GCLM: variants seen among roughly 807,000 people sequenced by gnomAD.
GCLM encodes glutamate-cysteine ligase modifier subunit, also known as glutamate--cysteine ligase regulatory subunit.
In GCLM, 15 loss-of-function variants were observed where a neutral mutation model predicts 36.0. The ratio of observed to expected loss-of-function variants is 0.42; its 90% CI spans 0.28 to 0.64. The LOEUF (loss-of-function observed/expected upper bound fraction) is 0.64, where lower values mean the gene tolerates loss of function less well. Ranked by LOEUF, GCLM falls within the 30% of genes least tolerant of loss-of-function variation. GCLM has a pLI of 0.25. For missense variants in GCLM, 242 were observed against 325.5 expected, an observed-to-expected ratio of 0.74 and a Z score of 1.97; for synonymous variants, 129 against 122.8, an observed-to-expected ratio of 1.05 and a Z score of -0.34.
chr1:93,889,262 C>T (rs1656440148), intron 6 of GCLM, 103 bp from the exon 7 acceptor site: 4 of 627,628 alleles, frequency 6.4e-6, no homozygotes, highest in Middle Eastern at 2.9e-4. Context: ...AGAAACACCT[C>T]AACATTTAAT....
intron 6 of GCLM, 145 bp downstream of exon 6, chr1:93,894,469 T>C (rs971592244): frequency 2.8e-5 from 14 of 496,506 alleles, no homozygotes; most frequent in Non-Finnish European, 5.0e-5. Flanking sequence ...AATGAGGGCA[T>C]ATAGGTTTTG....
chr1:93,904,339 C>T (rs77130621), intron 2 of GCLM, 184 bp downstream of exon 2: 48 of 579,552 alleles, frequency 8.3e-5, no homozygotes, highest in Middle Eastern at 4.5e-4. Flanking sequence ...GAGTTGCCTA[C>T]GGTCTAGATT....
intron 3 of GCLM, among the ~76,000 whole-genome samples, chr1:93,899,630 G>T (rs754934289): frequency 6.6e-6 from 1 of 152,162 alleles, no homozygotes; most frequent in Non-Finnish European, 1.5e-5. Flanking sequence ...TTTTGTGTGA[G>T]TCTTATTATA....
At chr1:93,891,221 C>T (rs541415508) in intron 6 of GCLM, among the ~76,000 whole-genome samples, 1 of 152,228 alleles carries the variant, frequency 6.6e-6, no homozygotes, top group South Asian at 2.1e-4. Flanking sequence ...TCTATGACTG[C>T]TCTGATGCCA....
chr1:93,895,012 C>CTACTACACTT (rs1553180170), intron 5 of GCLM, among the ~76,000 whole-genome samples: 1 of 128,058 alleles, frequency 7.8e-6, no homozygotes, highest in Non-Finnish European at 1.7e-5. Flanking sequence ...CAGTACTACA[C>CTACTACACTT]TTTTTTTTTT....
rs962026658 is a variant in GCLM, at chr1:93,889,593, A to C, written c.656-434T>G. On this transcript the variant is annotated intron_variant, in intron 6 of 6. Coordinates refer to ENST00000370238, the MANE Select transcript of GCLM (RefSeq NM_002061.4). ...TATATATCTTCATATATATATATAT[A>C]TCTTCATCCATATCTTGAATCTCTA... Among the ~76,000 whole-genome samples the C allele has an allele frequency of 2.0e-4, 30 of 151,926 alleles. 1 individual carries two copies. The highest frequency in any genetic ancestry group is 3.3e-4 in the Admixed American group (5 of 15,222).
chr1:93,899,720 AT>A (rs889334307), intron 3 of GCLM, among the ~76,000 whole-genome samples: 12 of 151,812 alleles, frequency 7.9e-5, no homozygotes, highest in Admixed American at 6.6e-4. Flanking sequence ...GCTATTATTA[AT>A]TTTTTTTTAA....
chr1:93,899,861 A>C (rs1656882174), intron 3 of GCLM, among the ~76,000 whole-genome samples: 1 of 152,186 alleles, frequency 6.6e-6, no homozygotes, highest in South Asian at 2.1e-4. Flanking sequence ...TCAACTTTAT[A>C]TGTACATATT....
In GCLM at chr1:93,896,662, C is replaced by G; in HGVS notation, c.496G>C (p.Asp166His). Residue 166 changes from aspartate (D) to histidine (H), a missense_variant, in exon 5 of 7, where the codon GAT becomes CAT. Physicochemically the swap from Asp to His is moderately conservative, Grantham distance 81. Coordinates refer to ENST00000370238, the MANE Select transcript of GCLM (RefSeq NM_002061.4). ...SKKIVAIGTS[D>H]LDKTQLEQLY... is the part of the protein sequence containing the mutation. Reference sequence around the variant, plus strand: ...TGTTCCAACTGTGTTTTGTCTAGATCAGAGGTACCTATGGCAACAATCTTT... The same window carrying G: ...TGTTCCAACTGTGTTTTGTCTAGATGAGAGGTACCTATGGCAACAATCTTT... 1 of 1,614,088 alleles carries G rather than the reference C, an allele frequency of 6.2e-7. No homozygotes were observed. Among genetic ancestry groups the G allele is most frequent in the Non-Finnish European group, 8.5e-7 (1 of 1,179,978 alleles).
intron 1 of GCLM, among the ~76,000 whole-genome samples, chr1:93,906,538 C>A (rs1242058677): frequency 6.6e-5 from 10 of 152,130 alleles, no homozygotes; most frequent in Admixed American, 6.5e-4. Flanking sequence ...CTTCTTGAAA[C>A]CATTTCTTTA....
chr1:93,899,639 T>C (rs940764762), intron 3 of GCLM, among the ~76,000 whole-genome samples: 3 of 152,236 alleles, frequency 2.0e-5, no homozygotes, highest in Non-Finnish European at 4.4e-5. Flanking sequence ...AGTCTTATTA[T>C]ATTTTAAAAG....
rs778809747 is a variant in GCLM, at chr1:93,885,590, A to G, written c.*3400T>C. On this transcript the variant is annotated 3_prime_UTR_variant, in exon 7 of 7. Transcript: ENST00000370238. Reference sequence around the variant, plus strand: ...ATGAAAAAGGTATATGTTCTGGTATATTAGGAAGTTAATGATGAAAAATAT... The same window carrying G: ...ATGAAAAAGGTATATGTTCTGGTATGTTAGGAAGTTAATGATGAAAAATAT... 1.3e-5 allele frequency: 2 copies of G among 152,216 alleles called. No homozygotes were observed. The highest frequency in any genetic ancestry group is 2.9e-5 in the Non-Finnish European group (2 of 68,018). The allele number at this position is 152,216 out of a possible 1,614,324, so 9.4% of individuals were successfully genotyped here. A position where few individuals can be genotyped will look rare whatever the true frequency, so the allele number is the denominator to read the frequency against.
At chr1:93,892,796 C>T (rs1656583309) in intron 6 of GCLM, among the ~76,000 whole-genome samples, 1 of 151,948 alleles carries the variant, frequency 6.6e-6, no homozygotes, top group African/African-American at 2.4e-5. Context: ...ACTTCCTTTC[C>T]TACTAGTAAA....
intron 3 of GCLM, among the ~76,000 whole-genome samples, chr1:93,898,869 CAAGGTGCT>C (rs1425163840): frequency 6.6e-6 from 1 of 152,116 alleles, no homozygotes; most frequent in Non-Finnish European, 1.5e-5. Context: ...ACAATCTTCC[CAAGGTGCT>C]AGGATTACAG....
intron 4 of GCLM, 39 bp from the exon 5 acceptor site, chr1:93,896,859 A>C (rs1656754392): frequency 8.9e-7 from 1 of 1,119,334 alleles, no homozygotes; most frequent in African/African-American, 1.5e-5. Flanking sequence ...AAATGCTTAC[A>C]TCATAAAAAC....
At chr1:93,903,628 AGCATTGT>A (rs1657040937) in intron 2 of GCLM, among the ~76,000 whole-genome samples, 1 of 152,044 alleles carries the variant, frequency 6.6e-6, no homozygotes, top group Non-Finnish European at 1.5e-5. Flanking sequence ...TGTAATCACA[AGCATTGT>A]AAACCAAAAC....
chr1:93,903,515 G>A (rs934402107), intron 2 of GCLM, among the ~76,000 whole-genome samples: 5 of 140,842 alleles, frequency 3.6e-5, no homozygotes, highest in African/African-American at 8.0e-5. Context: ...ATGGGGTTTC[G>A]CCATGTTGGC....
At chr1:93,890,882 T>G (rs1379912790) in intron 6 of GCLM, among the ~76,000 whole-genome samples, 6 of 150,558 alleles carry the variant, frequency 4.0e-5, no homozygotes, top group African/African-American at 1.5e-4. Context: ...CTTTTCTATT[T>G]TTTTTTTTTT....
At chr1:93,889,508 C>T (rs1557725341) in intron 6 of GCLM, among the ~76,000 whole-genome samples, 1 of 151,870 alleles carries the variant, frequency 6.6e-6, no homozygotes, top group Non-Finnish European at 1.5e-5. Context: ...ATAATCCTAT[C>T]AATTGGAGAT....
Sources: allele counts gnomAD v4.1 joint callset (sites outside exome capture counted in the v4.1 genomes callset), GRCh38; gene constraint gnomAD v4.1.1; transcripts MANE v1.5; gene names NCBI Gene and HGNC (gene_info 2026-07-23, HGNC 2026-07-21).